SRCIN1: variants seen among roughly 807,000 people sequenced by gnomAD.
SRCIN1 encodes SRC kinase signaling inhibitor 1.
In SRCIN1, 50 loss-of-function variants were observed where a neutral mutation model predicts 116.2. The observed-to-expected ratio is 0.43, with a 90% CI of 0.34 to 0.54. The LOEUF (loss-of-function observed/expected upper bound fraction) is 0.54. Ranked by LOEUF, SRCIN1 falls within the 20% of genes least tolerant of loss-of-function variation. The probability of loss-of-function intolerance (pLI) is 0.02; values close to 1 mark genes in which losing one functional copy is unlikely to be tolerated. For synonymous variants in SRCIN1, 736 were observed against 750.0 expected (o/e 0.98, Z 0.30); for missense variants, 1,446 against 1,672.0 (o/e 0.86, Z 2.36).
Position 38,578,753 on chromosome 17 carries a change from C to T in SRCIN1, c.61G>A (p.Asp21Asn). ...CGGTACTCCCGCGGGTACTCCGCAT[C>T]GTCCGCAGACAGCATGGGGGGGCTG... ...RSSPPMLSADDAEYPREYRTL... is the reference protein window; with the variant it reads ...RSSPPMLSADNAEYPREYRTL... The change falls in exon 2 of 19, where the codon GAT (aspartate) becomes AAT (asparagine). Residue 21 changes from aspartate (D) to asparagine (N), a missense_variant. This residue lies in a region of SRCIN1 where 246 missense variants were observed against 265.1 expected (regional missense o/e 0.93). Transcript: ENST00000617146. The T allele has an allele frequency of 1.3e-6, 2 of 1,523,178 alleles. No individual in the cohort carries two copies. The highest frequency in any genetic ancestry group is 8.8e-7 in the Non-Finnish European group (1 of 1,139,336). The allele number at this position is 1,523,178 out of a possible 1,614,324, so 94.4% of individuals were successfully genotyped here. A position where few individuals can be genotyped will look rare whatever the true frequency, so the allele number is the denominator to read the frequency against.
In SRCIN1 at chr17:38,602,127, C is replaced by T. The variant is rs1478785138; in HGVS notation, c.22+3557G>A. 6.6e-6 allele frequency: 1 copy of T among 152,178 alleles called. No homozygotes were observed. Among genetic ancestry groups the T allele is most frequent in the Non-Finnish European group, 1.5e-5 (1 of 68,084 alleles). 9.4% of individuals were successfully genotyped at this position (152,178 alleles called of 1,614,324 possible). A position where few individuals can be genotyped will look rare whatever the true frequency, so the allele number is the denominator to read the frequency against. On this transcript the variant is annotated intron_variant, in intron 1 of 18. Transcript: ENST00000617146. The surrounding 1 kb of genome is among the most constrained non-coding windows in gnomAD (Gnocchi z 4.2). ...AGGCTGCTTGGCAGGAGTTGGGGAC[C>T]ATGCCCCTGCCCCTCTGCCCACCTC... is the stretch of plus-strand genomic sequence containing the variant.
chr17:38,586,371 T>G (rs1908115570), intron 1 of SRCIN1, among the ~76,000 whole-genome samples: 1 of 152,154 alleles, frequency 6.6e-6, no homozygotes, highest in Admixed American at 6.5e-5. Context: ...CAGGTGGTTC[T>G]TGGCAGGTGA....
chr17:38,576,923 C>G (rs140349425), intron 2 of SRCIN1, among the ~76,000 whole-genome samples: 1 of 152,068 alleles, frequency 6.6e-6, no homozygotes, highest in African/African-American at 2.4e-5. Context: ...CAAAAGCAAA[C>G]ACAGCCACCT....
chr17:38,606,725 C>A (rs1228788143), upstream of SRCIN1, among the ~76,000 whole-genome samples: 1 of 152,160 alleles, frequency 6.6e-6, no homozygotes, highest in Non-Finnish European at 1.5e-5. The surrounding 1 kb of genome is among the most constrained non-coding windows in gnomAD (Gnocchi z 5.2). Flanking sequence ...ACCCTGCCGT[C>A]CCCCGCCCCT....
intron 1 of SRCIN1, among the ~76,000 whole-genome samples, chr17:38,582,020 C>T (rs1386386877): frequency 1.3e-5 from 2 of 152,166 alleles, no homozygotes; most frequent in Non-Finnish European, 2.9e-5. Context: ...TGGATTCTGC[C>T]GTGGCCTTGC....
rs1428235218 is a variant in SRCIN1 at position 38,531,418 on chromosome 17, ATATATT to A, written c.*1873_*1878del. 7.0e-6 allele frequency: 1 copy of A among 143,486 alleles called. No homozygotes were observed. The highest frequency in any genetic ancestry group is 1.5e-5 in the Non-Finnish European group (1 of 66,108). 8.9% of individuals were successfully genotyped at this position (143,486 alleles called of 1,614,324 possible). A position where few individuals can be genotyped will look rare whatever the true frequency, so the allele number is the denominator to read the frequency against. Reference sequence around the variant, plus strand: ...TTTTTTTTCTTTTTTAAATATTTATATATATTTATATTACGTATATTATATATATAA... The same window carrying A: ...TTTTTTTTCTTTTTTAAATATTTATATATATTACGTATATTATATATATAA... On this transcript the variant is annotated 3_prime_UTR_variant, in exon 19 of 19. Coordinates refer to ENST00000617146, the MANE Select transcript of SRCIN1 (RefSeq NM_025248.3).
rs572475622 is a variant in SRCIN1, at chr17:38,548,549, T to C, written c.3270+8A>G. Reference sequence around the variant, plus strand: ...GAGACCTTGGGGGCCAGGTGTGCCCTGACCTACCTCTAGCTCTGCGATGAT... The same window carrying C: ...GAGACCTTGGGGGCCAGGTGTGCCCCGACCTACCTCTAGCTCTGCGATGAT... On this transcript the variant is annotated splice_region_variant and intron_variant, in intron 17 of 18. Coordinates refer to ENST00000617146, the MANE Select transcript of SRCIN1 (RefSeq NM_025248.3). 13 of 1,609,844 alleles carry C rather than the reference T, an allele frequency of 8.1e-6. No homozygotes were observed. The East Asian group carries it at 2.7e-4, about 33-fold the overall frequency.
At chr17:38,553,264 T>A (rs73982828) in intron 11 of SRCIN1, among the ~76,000 whole-genome samples, 4,250 of 152,118 alleles carry the variant, frequency 0.028, 224 homozygotes, top group African/African-American at 0.097. Flanking sequence ...CTCAAAAGCA[T>A]ACAAACATAA....
In SRCIN1 at chr17:38,561,456, C is replaced by T; in HGVS notation, c.1700+7G>A. The T allele has an allele frequency of 1.3e-6, 2 of 1,569,788 alleles. No homozygotes were observed. The highest frequency in any genetic ancestry group is 1.7e-6 in the Non-Finnish European group (2 of 1,166,418). ...CCAGTCCCTGAGGCCTGGTTAACGT[C>T]CCTCACCTGGTCTCCGTGTCCTTGG... On this transcript the variant is annotated splice_region_variant and intron_variant, in intron 7 of 18. Transcript: ENST00000617146.
intron 16 of SRCIN1, 78 bp downstream of exon 16, chr17:38,548,978 C>G (rs1251291616): frequency 6.0e-6 from 9 of 1,505,886 alleles, no homozygotes; most frequent in Non-Finnish European, 8.1e-6. Context: ...CTTTCCCACC[C>G]CAGAGGGCCT....
chr17:38,594,499 C>G (rs2143426379), intron 1 of SRCIN1, among the ~76,000 whole-genome samples: 1 of 152,220 alleles, frequency 6.6e-6, no homozygotes, highest in African/African-American at 2.4e-5. Context: ...AATAGCCCCT[C>G]TCCTAAGAAG....
chr17:38,563,306 C>A lies in SRCIN1; in HGVS notation c.740+17G>T. 6.4e-7 allele frequency: 1 copy of A among 1,562,282 alleles called. No individual in the cohort carries two copies. Among genetic ancestry groups the A allele is most frequent in the South Asian group, 1.2e-5 (1 of 84,610 alleles). Reference sequence around the variant, plus strand: ...GCGTGGGGAAGCCCACCCAAATCCCCCCCGGTCCACGCCCACCGGACGTCC... The same window carrying A: ...GCGTGGGGAAGCCCACCCAAATCCCACCCGGTCCACGCCCACCGGACGTCC... On this transcript the variant is annotated intron_variant, in intron 5 of 18. Transcript: ENST00000617146. The surrounding 1 kb of genome is among the most constrained non-coding windows in gnomAD (Gnocchi z 5.8).
At chr17:38,586,731 G>T (rs1425970796) in intron 1 of SRCIN1, among the ~76,000 whole-genome samples, 1 of 152,204 alleles carries the variant, frequency 6.6e-6, no homozygotes, top group Non-Finnish European at 1.5e-5. Context: ...AGCTAGGGAG[G>T]GTGCAGGGCA....
In SRCIN1 at chr17:38,602,026, G is replaced by C. The variant is rs1051283858; in HGVS notation, c.22+3658C>G. Among the ~76,000 whole-genome samples, 2 of 152,038 alleles carry C rather than the reference G, an allele frequency of 1.3e-5. No homozygotes were observed. The highest frequency in any genetic ancestry group is 2.4e-5 in the African/African-American group (1 of 41,390). ...AGGCACAGAGGAGAGATGGGGGAGG[G>C]GCGAAGACTGAGGGCATCCAGGGGA... On this transcript the variant is annotated intron_variant, in intron 1 of 18. Transcript: ENST00000617146. The surrounding 1 kb of genome is among the most constrained non-coding windows in gnomAD (Gnocchi z 4.2).
chr17:38,575,038 G>C, intron 2 of SRCIN1: 1 of 399,820 alleles, frequency 2.5e-6, no homozygotes, highest in Non-Finnish European at 4.4e-6. Context: ...GGGGTACTGT[G>C]ATTGGGAGGG....
Position 38,601,662 on chromosome 17 carries a change from G to GCACA in SRCIN1, c.22+4018_22+4021dup, listed in dbSNP as rs71138637. ...CGCACACACACACACACGCTCGCGC[G>GCACA]CACACACACACACACACACATCGCT... On this transcript the variant is annotated intron_variant, in intron 1 of 18. Coordinates refer to ENST00000617146, the MANE Select transcript of SRCIN1 (RefSeq NM_025248.3). Among the ~76,000 whole-genome samples the GCACA allele has an allele frequency of 1.9e-3, 289 of 149,942 alleles. 1 individual carries two copies. Among genetic ancestry groups the GCACA allele is most frequent in the Admixed American group, 5.4e-3 (81 of 15,086 alleles).
rs777007720 is a variant in SRCIN1 at position 38,560,041 on chromosome 17, G to A, written c.1837+13C>T. 1.2e-5 allele frequency: 19 copies of A among 1,547,424 alleles called. No homozygotes were observed. The highest frequency in any genetic ancestry group is 2.6e-6 in the Non-Finnish European group (3 of 1,141,262). On this transcript the variant is annotated intron_variant, in intron 9 of 18. Transcript: ENST00000617146. ...GGAGAGAACAAGGATGGGGGAGGGG[G>A]AGGTTCACTCACGTGCTGAGGGGGT...
chr17:38,532,923 A>G lies in SRCIN1; in HGVS notation c.*374T>C, dbSNP rs2040941193. 6.1e-6 allele frequency: 1 copy of G among 162,846 alleles called. No homozygotes were observed. Among genetic ancestry groups the G allele is most frequent in the Non-Finnish European group, 1.3e-5 (1 of 75,624 alleles). The allele number at this position is 162,846 out of a possible 1,614,324, so 10.1% of individuals were successfully genotyped here. On this transcript the variant is annotated 3_prime_UTR_variant, in exon 19 of 19. Transcript: ENST00000617146. This position sits in a 1 kb window ranked among gnomAD's most constrained non-coding sequence, Gnocchi z 4.3. ...GGAGTATTCTTGGGAAGTGAGGGGA[A>G]GGCGGGAAGGGGGTGCAGGAGCTTC...
At chr17:38,590,547 C>T (rs1051384253) in intron 1 of SRCIN1, among the ~76,000 whole-genome samples, 1 of 152,204 alleles carries the variant, frequency 6.6e-6, no homozygotes, top group Non-Finnish European at 1.5e-5. Flanking sequence ...TGATAACCAC[C>T]CTTGAACACC....
Sources: gnomAD v4.1 joint callset for allele counts (sites outside exome capture counted in the v4.1 genomes callset) on GRCh38, gnomAD v4.1.1 for gene constraint, gnomAD v4.1.1 regional missense constraint, Gnocchi (gnomAD v3.1) non-coding constraint, MANE v1.5 for transcripts, NCBI Gene and HGNC (gene_info 2026-07-23, HGNC 2026-07-21) for gene names.